The following CERS1 variants were observed in gnomAD, a reference collection of about 807,000 sequenced individuals.
CERS1 encodes ceramide synthase 1, also known as Embryonic growth/differentiation factor 1.
CERS1 carries 16 observed loss-of-function variants against 35.7 expected under a neutral mutation model. The ratio of observed to expected loss-of-function variants is 0.45; its 90% CI spans 0.30 to 0.68. The LOEUF is 0.68. Ranked by LOEUF, CERS1 falls within the 30% of genes least tolerant of loss-of-function variation. CERS1 has a pLI of 0.08. For missense variants in CERS1, 454 were observed against 453.9 expected (o/e 1.00, Z 0.00); for synonymous variants, 243 against 201.6 (o/e 1.21, Z -1.74).
chr19:18,872,950 G>A (rs574480074), intron 6 of CERS1, among the ~76,000 whole-genome samples: 1 of 152,326 alleles, frequency 6.6e-6, no homozygotes, highest in East Asian at 1.9e-4. Flanking sequence ...ATGCCGGGCC[G>A]AGATGGCCTT....
At chr19:18,894,699 T>A (rs2056582925) in intron 1 of CERS1, among the ~76,000 whole-genome samples, 1 of 152,016 alleles carries the variant, frequency 6.6e-6, no homozygotes, top group African/African-American at 2.4e-5. Context: ...GACAGCCCTG[T>A]CTCCCCCTCC....
At chr19:18,873,597 G>C (rs1315097119) in intron 6 of CERS1, among the ~76,000 whole-genome samples, 1 of 151,936 alleles carries the variant, frequency 6.6e-6, no homozygotes, top group African/African-American at 2.4e-5. Flanking sequence ...TAGCACTTTG[G>C]GAGGCCAAGA....
At chr19:18,890,803 A>G (rs899816141) in intron 2 of CERS1, among the ~76,000 whole-genome samples, 5 of 146,700 alleles carry the variant, frequency 3.4e-5, no homozygotes, top group South Asian at 2.1e-4. Context: ...AAAAAAAAAA[A>G]GCAGCTAAAG....
chr19:18,882,494 T>C (rs1362726693), intron 3 of CERS1, among the ~76,000 whole-genome samples: 1 of 151,344 alleles, frequency 6.6e-6, no homozygotes, highest in East Asian at 2.0e-4. Flanking sequence ...TTAGCCGGTG[T>C]GATGTCATAC....
intron 2 of CERS1, among the ~76,000 whole-genome samples, chr19:18,886,242 CA>C (rs1340768781): frequency 6.7e-6 from 1 of 150,012 alleles, no homozygotes; most frequent in Non-Finnish European, 1.5e-5. Flanking sequence ...GCTGTCTCTG[CA>C]AAAAAATATA....
chr19:18,876,781 C>T (rs1421065560), intron 6 of CERS1, among the ~76,000 whole-genome samples: 1 of 152,206 alleles, frequency 6.6e-6, no homozygotes, highest in Non-Finnish European at 1.5e-5. Flanking sequence ...CCTGACATTA[C>T]AGCTTACATT....
intron 6 of CERS1, among the ~76,000 whole-genome samples, chr19:18,874,494 C>CAG (rs1350775738): frequency 2.0e-5 from 3 of 152,126 alleles, no homozygotes; most frequent in Non-Finnish European, 4.4e-5. Context: ...GCTGCAGGGG[C>CAG]AGTGGCAGGT....
In CERS1 at chr19:18,879,019, G is replaced by C; in HGVS notation, c.921C>G (p.Ala307=). 1 of 1,613,690 alleles carries C rather than the reference G, an allele frequency of 6.2e-7. No individual in the cohort carries two copies. Among genetic ancestry groups the C allele is most frequent in the Non-Finnish European group, 8.5e-7 (1 of 1,179,854 alleles). The part of the protein sequence containing the change: ...YWFLYIVAFA[A]KVLTGQVHEL... ...CGTGCACCTGGCCTGTCAACACCTT[G>C]GCTGCAAACGCCACGATGTACTGCG... The change falls in exon 6 of 8, where the codon GCC becomes GCG. Residue 307 remains alanine, a synonymous_variant. Coordinates refer to ENST00000623882, the MANE Select transcript of CERS1 (RefSeq NM_021267.5).
At chr19:18,869,866 C>G in intron 7 of CERS1, 117 bp downstream of exon 7, 2 of 1,012,174 alleles carry the variant, frequency 2.0e-6, no homozygotes, top group Admixed American at 4.0e-5. Flanking sequence ...TGCTAGTAGC[C>G]TGGACAGGGC....
Position 18,870,857 on chromosome 19 carries a change from T to G in CERS1, c.1011-238A>C, listed in dbSNP as rs1365838039. Among the ~76,000 whole-genome samples the G allele has an allele frequency of 1.3e-5, 2 of 151,908 alleles. No homozygotes were observed. The highest frequency in any genetic ancestry group is 2.9e-5 in the Non-Finnish European group (2 of 67,938). The stretch of plus-strand genomic sequence containing the variant: ...CCCCTGGCACCCTGGCACTTCCTCC[T>G]TGCTTCCCCCTCTCCAATTAAACCT... On this transcript the variant is annotated intron_variant, in intron 6 of 7. Transcript: ENST00000623882. This position sits in a 1 kb window ranked among gnomAD's most constrained non-coding sequence, Gnocchi z 5.1.
chr19:18,895,388 C>T lies in CERS1; in HGVS notation c.249+436G>A, dbSNP rs1475119425. Among the ~76,000 whole-genome samples, 1 of 152,136 alleles carries T rather than the reference C, an allele frequency of 6.6e-6. No individual in the cohort carries two copies. Among genetic ancestry groups the T allele is most frequent in the African/African-American group, 2.4e-5 (1 of 41,436 alleles). The stretch of plus-strand genomic sequence containing the variant: ...CGCGGTGCGCCGAGCCCTCCCGTTC[C>T]CGGTCCTGGGCTTCTCAGTGTCTGG... On this transcript the variant is annotated intron_variant, in intron 1 of 7. Transcript: ENST00000623882. This position sits in a 1 kb window ranked among gnomAD's most constrained non-coding sequence, Gnocchi z 6.4.
chr19:18,896,754 A>G (rs1190846143), upstream of CERS1: 2 of 152,298 alleles, frequency 1.3e-5, no homozygotes, highest in Non-Finnish European at 2.9e-5. The surrounding 1 kb of genome is among the most constrained non-coding windows in gnomAD (Gnocchi z 5.9). Flanking sequence ...TCTGCCCTAC[A>G]CCAGGAGCTT....
chr19:18,894,618 G>A (rs1469801685), intron 1 of CERS1, among the ~76,000 whole-genome samples: 1 of 152,110 alleles, frequency 6.6e-6, no homozygotes, highest in Non-Finnish European at 1.5e-5. Flanking sequence ...GGGCTTCCCA[G>A]CTGGAAACTG....
intron 6 of CERS1, among the ~76,000 whole-genome samples, chr19:18,874,193 G>T (rs2056022910): frequency 6.6e-6 from 1 of 152,184 alleles, no homozygotes; most frequent in Non-Finnish European, 1.5e-5. Flanking sequence ...GGACATGTTG[G>T]CCAGATTATC....
chr19:18,888,853 CAAA>C (rs1257577996), intron 2 of CERS1, among the ~76,000 whole-genome samples: 2 of 149,636 alleles, frequency 1.3e-5, no homozygotes, highest in Non-Finnish European at 3.0e-5. Context: ...AACAAACAAA[CAAA>C]AAACCCTCCC....
At chr19:18,896,408 C>T (rs1179446325), upstream of CERS1, among the ~76,000 whole-genome samples, 1 of 151,648 alleles carries the variant, frequency 6.6e-6, no homozygotes, top group Non-Finnish European at 1.5e-5. The surrounding 1 kb of genome is among the most constrained non-coding windows in gnomAD (Gnocchi z 5.9). Context: ...CCCCGCGCGC[C>T]CCCCGCTCCC....
Position 18,878,738 on chromosome 19 carries a change from C to T in CERS1, c.1010+192G>A. The T allele has an allele frequency of 7.1e-7, 1 of 1,403,540 alleles. No homozygotes were observed. Among genetic ancestry groups the T allele is most frequent in the South Asian group, 1.5e-5 (1 of 66,388 alleles). 86.9% of individuals were successfully genotyped at this position (1,403,540 alleles called of 1,614,324 possible). On this transcript the variant is annotated intron_variant, in intron 6 of 7. Transcript: ENST00000623882. This position sits in a 1 kb window ranked among gnomAD's most constrained non-coding sequence, Gnocchi z 4.6. ...TCCCCAGCCTCTCCCTCCCCTTCCT[C>T]ACTGTCCTGTCCTTCAGGGTACTGG...
In CERS1 at chr19:18,870,350, C is replaced by A. The variant is rs1274337123; in HGVS notation, c.*227G>T. 12 of 1,540,062 alleles carry A rather than the reference C, an allele frequency of 7.8e-6. No homozygotes were observed. Among genetic ancestry groups the A allele is most frequent in the Non-Finnish European group, 9.6e-6 (11 of 1,145,060 alleles). On this transcript the variant is annotated 3_prime_UTR_variant, in exon 7 of 8. Coordinates refer to ENST00000623882, the MANE Select transcript of CERS1 (RefSeq NM_021267.5). This position sits in a 1 kb window ranked among gnomAD's most constrained non-coding sequence, Gnocchi z 5.1. ...ACCAGAGAGTGCGCAGGGTCCGCGG[C>A]GGCCCGGGACCAGTGGGCTGAGGGC... is the stretch of plus-strand genomic sequence containing the variant.
chr19:18,881,439 C>T (rs191601824), intron 3 of CERS1, among the ~76,000 whole-genome samples: 33 of 152,076 alleles, frequency 2.2e-4, no homozygotes, highest in Admixed American at 1.1e-3. Flanking sequence ...CCGCTGATCT[C>T]GAATTCCCAA....
Sources: gnomAD v4.1 joint callset for allele counts (sites outside exome capture counted in the v4.1 genomes callset) on GRCh38, gnomAD v4.1.1 for gene constraint, Gnocchi (gnomAD v3.1) non-coding constraint, MANE v1.5 for transcripts, NCBI Gene and HGNC (gene_info 2026-07-23, HGNC 2026-07-21) for gene names.